The following ARCN1 variants were observed in gnomAD, a reference collection of about 807,000 sequenced individuals.
The protein encoded by ARCN1 is archain 1 coat protein complex I subunit delta.
Under a neutral mutation model 60.4 loss-of-function variants are expected in ARCN1, and 5 were observed. The ratio of observed to expected loss-of-function variants is 0.08; its 90% CI spans 0.04 to 0.17. ARCN1 has a LOEUF of 0.17. ARCN1 is among the 10% of genes least tolerant of loss of function. The pLI is 1.00. For missense variants in ARCN1, 464 were observed against 626.5 expected, an observed-to-expected ratio of 0.74 and a Z score of 2.77; for synonymous variants, 224 against 220.0, an observed-to-expected ratio of 1.02 and a Z score of -0.16.
intron 8 of ARCN1, among the ~76,000 whole-genome samples, chr11:118,596,821 T>A (rs1939036035): frequency 6.6e-6 from 1 of 152,238 alleles, no homozygotes; most frequent in Admixed American, 6.5e-5. Flanking sequence ...AATTGTGCTT[T>A]CACTTATCAA....
intron 1 of ARCN1, among the ~76,000 whole-genome samples, chr11:118,578,161 C>CA (rs1289141904): frequency 7.7e-6 from 1 of 129,468 alleles, no homozygotes; most frequent in Middle Eastern, 3.6e-3. Context: ...GACACTCTCT[C>CA]AAAAAATAAA....
At chr11:118,573,863 G>T (rs1279794117) in intron 1 of ARCN1, 2 of 518,290 alleles carry the variant, frequency 3.9e-6, no homozygotes, top group African/African-American at 2.0e-5. Context: ...TGTATTTTCA[G>T]TTTCTCCAGG....
rs1296464905 is a variant in ARCN1 at position 118,602,786 on chromosome 11, C to A, written c.*2072C>A. 6.5e-6 allele frequency: 1 copy of A among 153,652 alleles called. No individual in the cohort carries two copies. Among genetic ancestry groups the A allele is most frequent in the Non-Finnish European group, 1.5e-5 (1 of 68,024 alleles). The allele number at this position is 153,652 out of a possible 1,614,324, so 9.5% of individuals were successfully genotyped here. On this transcript the variant is annotated 3_prime_UTR_variant, in exon 10 of 10. Coordinates refer to ENST00000264028, the MANE Select transcript of ARCN1 (RefSeq NM_001655.5). ...AAAAGTCAAGTTTAATTTCAAAAAA[C>A]CTTTTTTTTCTGAGATTACTTTTGG...
Position 118,601,352 on chromosome 11 carries a change from A to G in ARCN1, c.*638A>G, listed in dbSNP as rs782442714. 21 of 476,340 alleles carry G rather than the reference A, an allele frequency of 4.4e-5. 1 individual carries two copies. Among genetic ancestry groups the G allele is most frequent in the South Asian group, 3.5e-4 (21 of 60,470 alleles). The allele number at this position is 476,340 out of a possible 1,614,324, so 29.5% of individuals were successfully genotyped here. Reference sequence around the variant, plus strand: ...GTTGGGATTACAGGCATGAGCCACCATGCCCAGCTGCTCCTTTATTTTAAT... The same window carrying G: ...GTTGGGATTACAGGCATGAGCCACCGTGCCCAGCTGCTCCTTTATTTTAAT... On this transcript the variant is annotated 3_prime_UTR_variant, in exon 10 of 10. Transcript: ENST00000264028.
rs1038674096 is a variant in ARCN1 at position 118,601,962 on chromosome 11, C to T, written c.*1248C>T. The stretch of plus-strand genomic sequence containing the variant: ...CACAGTCTGTAATCCATTCACATTC[C>T]TCAGTTTCACCACCTCCCTCTTCCA... On this transcript the variant is annotated 3_prime_UTR_variant, in exon 10 of 10. Coordinates refer to ENST00000264028, the MANE Select transcript of ARCN1 (RefSeq NM_001655.5). 1 of 509,856 alleles carries T rather than the reference C, an allele frequency of 2.0e-6. No homozygotes were observed. The highest frequency in any genetic ancestry group is 2.6e-5 in the South Asian group (1 of 38,296). The allele number at this position is 509,856 out of a possible 1,614,324, so 31.6% of individuals were successfully genotyped here.
intron 7 of ARCN1, among the ~76,000 whole-genome samples, 180 bp from the exon 8 acceptor site, chr11:118,593,410 T>G (rs1230397435): frequency 2.0e-5 from 3 of 150,420 alleles, no homozygotes; most frequent in South Asian, 2.1e-4. Context: ...TTTTTTTTTT[T>G]GGTATAGGTG....
rs1200976503 is a variant in ARCN1, at chr11:118,583,034, CTG to C, written c.268-143_268-142del. On this transcript the variant is annotated intron_variant, in intron 2 of 9. Coordinates refer to ENST00000264028, the MANE Select transcript of ARCN1 (RefSeq NM_001655.5). ...CCAGCGTGGGCAGCAGAGCGAGACT[CTG>C]TCCCAAAAAATAAAATAAAGACTAG... The C allele has an allele frequency of 7.4e-6, 7 of 948,606 alleles. No homozygotes were observed. In the African/African-American group the frequency reaches 1.2e-4, roughly 16 times the overall value. 58.8% of individuals were successfully genotyped at this position (948,606 alleles called of 1,614,324 possible). A position where few individuals can be genotyped will look rare whatever the true frequency, so the allele number is the denominator to read the frequency against.
At chr11:118,593,497 G>C in intron 7 of ARCN1, 93 bp from the exon 8 acceptor site, 1 of 773,530 alleles carries the variant, frequency 1.3e-6, no homozygotes. Context: ...CTACCACCTT[G>C]GTCCTCTAAA....
chr11:118,597,983 C>G, intron 9 of ARCN1, 72 bp downstream of exon 9: 1 of 1,469,968 alleles, frequency 6.8e-7, no homozygotes, highest in Admixed American at 1.8e-5. Flanking sequence ...GGATGCCAGA[C>G]AGGTAGCATG....
intron 4 of ARCN1, 141 bp downstream of exon 4, chr11:118,584,155 AAT>A (rs1362183846): frequency 1.2e-6 from 1 of 850,078 alleles, no homozygotes; most frequent in Non-Finnish European, 1.8e-6. Context: ...GGCCACATAC[AAT>A]ATGAGGATAA....
Position 118,572,472 on chromosome 11 carries a change from G to A in ARCN1, c.-76G>A. 1.3e-6 allele frequency: 2 copies of A among 1,541,940 alleles called. No individual in the cohort carries two copies. Among genetic ancestry groups the A allele is most frequent in the African/African-American group, 1.4e-5 (1 of 73,122 alleles). ...GGGGGCAGCAGGTCCAGAGCTGCTG[G>A]TGCTCCCGTTCCCCAGACCCTACCC... On this transcript the variant is annotated 5_prime_UTR_variant, in exon 1 of 10. It adds an upstream start codon to the 5' untranslated region. Transcript: ENST00000264028.
At chr11:118,576,084 T>C (rs782685836) in intron 1 of ARCN1, among the ~76,000 whole-genome samples, 1 of 152,060 alleles carries the variant, frequency 6.6e-6, no homozygotes, top group Non-Finnish European at 1.5e-5. Flanking sequence ...TTAGGGATAT[T>C]TCAATAATCA....
intron 2 of ARCN1, 31 bp downstream of exon 2, chr11:118,581,540 C>G: frequency 1.3e-6 from 2 of 1,567,458 alleles, no homozygotes; most frequent in Non-Finnish European, 1.7e-6. Context: ...CTGGGTTCCA[C>G]TTTTTGTTTT....
chr11:118,580,676 T>G (rs1044472063), intron 1 of ARCN1, among the ~76,000 whole-genome samples: 7 of 152,270 alleles, frequency 4.6e-5, no homozygotes, highest in South Asian at 2.1e-4. Flanking sequence ...TTGACATGTC[T>G]AAGTCTCTTA....
intron 2 of ARCN1, among the ~76,000 whole-genome samples, chr11:118,582,268 G>T (rs1239402238): frequency 6.6e-6 from 1 of 152,034 alleles, no homozygotes; most frequent in East Asian, 2.0e-4. Context: ...TCAGCCTCCC[G>T]AGTAGTTGAG....
rs782042595 is a variant in ARCN1, at chr11:118,597,833, T to C, written c.1368T>C (p.Phe456=). ...DAKNKSGSLE[F]SIAGQPNDFF... ...AAAATAAGAGTGGCAGCCTGGAGTT[T>C]AGCATTGCTGGGCAGCCCAATGACT... Residue 456 remains phenylalanine, a synonymous_variant, in exon 9 of 10, where the codon TTT becomes TTC. Transcript: ENST00000264028. The C allele has an allele frequency of 1.2e-6, 2 of 1,614,206 alleles. No homozygotes were observed. The highest frequency in any genetic ancestry group is 1.7e-6 in the Non-Finnish European group (2 of 1,180,034).
chr11:118,595,999 G>A (rs144167725), intron 8 of ARCN1, among the ~76,000 whole-genome samples: 1,555 of 152,062 alleles, frequency 0.01, 21 homozygotes, highest in African/African-American at 0.032. Flanking sequence ...GCCGGGAGGC[G>A]GAGCTTGCAG....
chr11:118,596,715 G>A (rs533797244), intron 8 of ARCN1, among the ~76,000 whole-genome samples: 1 of 152,134 alleles, frequency 6.6e-6, no homozygotes, highest in Non-Finnish European at 1.5e-5. Context: ...GTGTGTAGGG[G>A]TGCAGAGTAA....
At chr11:118,583,067 G>A (rs1938696321) in intron 2 of ARCN1, 112 bp from the exon 3 acceptor site, 1 of 1,216,848 alleles carries the variant, frequency 8.2e-7, no homozygotes, top group Non-Finnish European at 1.2e-6. Flanking sequence ...ACTAGAAGTA[G>A]CTAATAAAGG....
Sources: allele counts gnomAD v4.1 joint callset (sites outside exome capture counted in the v4.1 genomes callset), GRCh38; gene constraint gnomAD v4.1.1; transcripts MANE v1.5; gene names NCBI Gene and HGNC (gene_info 2026-07-23, HGNC 2026-07-21).